The following PEPD variants were observed in gnomAD, a reference collection of about 807,000 sequenced individuals.
PEPD encodes xaa-Pro dipeptidase.
A neutral mutation model predicts 60.7 loss-of-function variants in PEPD; 53 were observed. The ratio of observed to expected loss-of-function variants is 0.87; its 90% confidence interval spans 0.70 to 1.10. The LOEUF is 1.10. Ranked by LOEUF, PEPD falls within the 50% of genes least tolerant of loss-of-function variation. The probability of loss-of-function intolerance (pLI) is 0.00; values close to 1 mark genes in which losing one functional copy is unlikely to be tolerated. For missense variants in PEPD, 711 were observed against 711.9 expected, an observed-to-expected ratio of 1.00 and a Z score of 0.01; for synonymous variants, 267 against 284.1, an observed-to-expected ratio of 0.94 and a Z score of 0.60.
chr19:33,413,930 G>A (rs533804849), intron 9 of PEPD, among the ~76,000 whole-genome samples: 1 of 152,348 alleles, frequency 6.6e-6, no homozygotes, highest in South Asian at 2.1e-4. Flanking sequence ...CATGGCGAGT[G>A]GCTTCCCAGG....
intron 9 of PEPD, among the ~76,000 whole-genome samples, chr19:33,457,382 G>C (rs1307101711): frequency 6.6e-6 from 1 of 152,186 alleles, no homozygotes. Context: ...AGCAAGCAGA[G>C]ATCGCCCCAG....
intron 9 of PEPD, among the ~76,000 whole-genome samples, chr19:33,456,290 T>A (rs1969798727): frequency 6.6e-6 from 1 of 152,190 alleles, no homozygotes; most frequent in South Asian, 2.1e-4. Flanking sequence ...ACACAGGACC[T>A]GCCCTGCCAG....
chr19:33,390,598 T>C (rs527800686), intron 13 of PEPD, among the ~76,000 whole-genome samples: 12 of 149,134 alleles, frequency 8.0e-5, no homozygotes, highest in African/African-American at 2.9e-4. Context: ...AGGGCAGGGA[T>C]GGGAGCGCCC....
At chr19:33,488,890 T>C (rs1291905146) in intron 6 of PEPD, among the ~76,000 whole-genome samples, 1 of 151,754 alleles carries the variant, frequency 6.6e-6, no homozygotes, top group Admixed American at 6.6e-5. Context: ...GGATGCATGA[T>C]AGGGGAGGGG....
At chr19:33,504,201 G>C (rs757156074) in intron 3 of PEPD, among the ~76,000 whole-genome samples, 1 of 152,218 alleles carries the variant, frequency 6.6e-6, no homozygotes, top group African/African-American at 2.4e-5. Flanking sequence ...AGGGATATGC[G>C]TGCCAGACTC....
At position 33,490,267 on chromosome 19, in the gene PEPD, T is replaced by C. The variant is rs115943157; in HGVS notation, c.442-210A>G. ...GCTACCACTTGCCAAGTGGAGGAAG[T>C]GGGGGCCCCCCAAACTCTGCAGCAT... On this transcript the variant is annotated intron_variant, in intron 5 of 14. Transcript: ENST00000244137. Among the ~76,000 whole-genome samples the C allele has an allele frequency of 3.0e-3, 454 of 152,262 alleles. 1 individual carries two copies. Among genetic ancestry groups the C allele is most frequent in the Middle Eastern group, 0.01 (3 of 294 alleles).
At chr19:33,513,219 G>A (rs564828676) in intron 1 of PEPD, among the ~76,000 whole-genome samples, 1 of 152,188 alleles carries the variant, frequency 6.6e-6, no homozygotes, top group South Asian at 2.1e-4. Context: ...CCTGCTAGAG[G>A]CCAGCTTGGC....
chr19:33,492,636 C>A (rs559811356), intron 5 of PEPD, among the ~76,000 whole-genome samples: 25 of 152,336 alleles, frequency 1.6e-4, no homozygotes, highest in African/African-American at 5.8e-4. Flanking sequence ...CTGATTTGTT[C>A]TACCTAGCTA....
intron 9 of PEPD, among the ~76,000 whole-genome samples, chr19:33,423,157 C>T (rs1174285074): frequency 1.3e-5 from 2 of 150,784 alleles, no homozygotes; most frequent in African/African-American, 2.4e-5. Context: ...TCCCATTAGG[C>T]TTGAGCTTTA....
chr19:33,490,877 T>C (rs1970485647), intron 5 of PEPD, among the ~76,000 whole-genome samples: 1 of 151,980 alleles, frequency 6.6e-6, no homozygotes, highest in South Asian at 2.1e-4. Context: ...TGGCCAGGCT[T>C]GTCTCGAACT....
At chr19:33,506,665 A>G (rs576091404) in intron 3 of PEPD, among the ~76,000 whole-genome samples, 1 of 137,568 alleles carries the variant, frequency 7.3e-6, no homozygotes, top group East Asian at 2.3e-4. Context: ...ACTCCCTCAC[A>G]TGCACCCTAC....
intron 7 of PEPD, among the ~76,000 whole-genome samples, chr19:33,468,236 T>C (rs7257907): frequency 0.42 from 63,774 of 151,998 alleles, 14,197 homozygotes; most frequent in African/African-American, 0.57. Flanking sequence ...TAAAGATGAC[T>C]TACCTGCACC....
intron 4 of PEPD, among the ~76,000 whole-genome samples, chr19:33,497,206 G>A (rs1405614436): frequency 6.6e-6 from 1 of 152,256 alleles, no homozygotes; most frequent in African/African-American, 2.4e-5. Context: ...AGTGGCCCCT[G>A]CTGACCCCAT....
At chr19:33,472,261 G>A (rs897615024) in intron 7 of PEPD, among the ~76,000 whole-genome samples, 5 of 152,122 alleles carry the variant, frequency 3.3e-5, no homozygotes, top group African/African-American at 7.2e-5. Flanking sequence ...CTGGGAGTCC[G>A]AGGTTGTAGT....
At chr19:33,389,301 C>T (rs969402297) in intron 13 of PEPD, among the ~76,000 whole-genome samples, 9 of 152,230 alleles carry the variant, frequency 5.9e-5, no homozygotes, top group South Asian at 2.1e-4. Flanking sequence ...GCCTCTGGGC[C>T]GCTGACCGGG....
At position 33,471,801 on chromosome 19, in the gene PEPD, C is replaced by T. The variant is rs78946755; in HGVS notation, c.548+6245G>A. On this transcript the variant is annotated intron_variant, in intron 7 of 14. Coordinates refer to ENST00000244137, the MANE Select transcript of PEPD (RefSeq NM_000285.4). ...AAGGCTAGAGGATCTAAGGCCAAGG[C>T]TGAGCACAGGAATTCGAGGCCAGCC... Among the ~76,000 whole-genome samples the T allele has an allele frequency of 9.1e-4, 139 of 152,122 alleles. 2 individuals are homozygous for T. The East Asian group carries it at 0.024, about 26-fold the overall frequency.
chr19:33,422,831 TATCTATCC>T (rs777574445), intron 9 of PEPD, among the ~76,000 whole-genome samples: 2,834 of 117,732 alleles, frequency 0.024, 33 homozygotes, highest in Middle Eastern at 0.05. Flanking sequence ...TCTATCTATC[TATCTATCC>T]ATCTATCCAT....
chr19:33,507,926 A>C (rs1336015378), intron 3 of PEPD, among the ~76,000 whole-genome samples: 1 of 152,122 alleles, frequency 6.6e-6, no homozygotes, highest in Non-Finnish European at 1.5e-5. Context: ...ACAGCAGGAC[A>C]CAAGGCTCTA....
intron 12 of PEPD, among the ~76,000 whole-genome samples, chr19:33,394,263 G>C (rs1229078917): frequency 6.6e-6 from 1 of 152,252 alleles, no homozygotes; most frequent in Non-Finnish European, 1.5e-5. Context: ...AGTGCAGCCA[G>C]CTTTCCAACC....
Sources: allele counts gnomAD v4.1 joint callset (sites outside exome capture counted in the v4.1 genomes callset), GRCh38; gene constraint gnomAD v4.1.1; transcripts MANE v1.5; gene names NCBI Gene and HGNC (gene_info 2026-07-23, HGNC 2026-07-21).